Variants in ENOX1 observed in about 807,000 individuals in gnomAD.
ENOX1 encodes candidate growth-related and time keeping constitutive hydroquinone (NADH) oxidase.
In ENOX1, 42 loss-of-function variants were observed where a neutral mutation model predicts 82.5. The observed-to-expected ratio is 0.51, with a 90% confidence interval of 0.40 to 0.66. The LOEUF (loss-of-function observed/expected upper bound fraction) is 0.66. Ranked by LOEUF, ENOX1 falls within the 30% of genes least tolerant of loss-of-function variation. The pLI is 0.00. For synonymous variants in ENOX1, 271 were observed against 282.2 expected (o/e 0.96, Z 0.40); for missense variants, 608 against 811.6 (o/e 0.75, Z 3.05).
intron 2 of ENOX1, among the ~76,000 whole-genome samples, chr13:43,572,044 G>C (rs570716942): frequency 6.6e-6 from 1 of 152,022 alleles, no homozygotes; most frequent in Non-Finnish European, 1.5e-5. Context: ...ACTTACTTAT[G>C]AAGAGCATTT....
intron 12 of ENOX1, 105 bp downstream of exon 12, chr13:43,298,241 C>T (rs2046382034): frequency 1.6e-6 from 2 of 1,220,084 alleles, no homozygotes; most frequent in East Asian, 2.6e-5. Context: ...TTTTGGTTGT[C>T]ATTTCTTCTC....
At chr13:43,566,216 T>A (rs1452716665) in intron 2 of ENOX1, among the ~76,000 whole-genome samples, 1 of 152,208 alleles carries the variant, frequency 6.6e-6, no homozygotes, top group Non-Finnish European at 1.5e-5. Flanking sequence ...TTAGCATGAA[T>A]TAATATGCCA....
At chr13:43,690,453 A>G (rs1051156798) in intron 1 of ENOX1, among the ~76,000 whole-genome samples, 1 of 152,058 alleles carries the variant, frequency 6.6e-6, no homozygotes, top group African/African-American at 2.4e-5. Context: ...AATGCTACCC[A>G]TATTTCCTTA....
chr13:43,250,544 C>T (rs903547602), intron 14 of ENOX1, among the ~76,000 whole-genome samples: 13 of 152,152 alleles, frequency 8.5e-5, no homozygotes, highest in Admixed American at 3.3e-4. Context: ...GAACCAGAGT[C>T]TCACAATTAC....
intron 12 of ENOX1, among the ~76,000 whole-genome samples, chr13:43,296,563 T>C (rs898677383): frequency 5.9e-5 from 9 of 152,200 alleles, no homozygotes; most frequent in South Asian, 2.1e-4. Context: ...TTTTTAGCTA[T>C]ATAAAGTACA....
chr13:43,336,117 A>C lies in ENOX1; in HGVS notation c.1036+8421T>G, dbSNP rs1216938037. 1.6e-4 allele frequency among the ~76,000 whole-genome samples: 24 copies of C among 152,234 alleles called. 1 individual carries two copies. The highest frequency in any genetic ancestry group is 1.6e-3 in the Admixed American group (24 of 15,286). ...GCTACAGACATGGGCAAACATTTTA[A>C]CACTTCATAAAATTCCTTTTTGACA... On this transcript the variant is annotated intron_variant, in intron 9 of 16. Transcript: ENST00000690772.
chr13:43,291,759 G>A (rs1173843080), intron 12 of ENOX1, among the ~76,000 whole-genome samples: 1 of 152,184 alleles, frequency 6.6e-6, no homozygotes, highest in Non-Finnish European at 1.5e-5. Flanking sequence ...CAATGTATGT[G>A]TTTGTATTTT....
At chr13:43,465,618 C>T (rs962112995) in intron 3 of ENOX1, among the ~76,000 whole-genome samples, 8 of 152,084 alleles carry the variant, frequency 5.3e-5, no homozygotes, top group Non-Finnish European at 1.2e-4. Flanking sequence ...ATCACTGCTC[C>T]CAGGCCCCCT....
intron 5 of ENOX1, among the ~76,000 whole-genome samples, chr13:43,401,603 T>G (rs112576728): frequency 7.5e-4 from 114 of 152,248 alleles, no homozygotes; most frequent in African/African-American, 2.6e-3. Context: ...CCTCAGAGTC[T>G]GTGGCTGCAT....
intron 1 of ENOX1, among the ~76,000 whole-genome samples, chr13:43,678,027 T>C (rs567121535): frequency 1.7e-4 from 26 of 152,302 alleles, no homozygotes; most frequent in African/African-American, 6.3e-4. Context: ...TAAAACATCA[T>C]TTGATACCCT....
chr13:43,624,820 G>T (rs1038270296), intron 2 of ENOX1, among the ~76,000 whole-genome samples: 2 of 151,918 alleles, frequency 1.3e-5, no homozygotes, highest in African/African-American at 4.8e-5. Context: ...TCATAAAATT[G>T]CCTAGACTAA....
At chr13:43,774,799 A>C (rs887899297) in intron 1 of ENOX1, among the ~76,000 whole-genome samples, 1 of 151,698 alleles carries the variant, frequency 6.6e-6, no homozygotes, top group East Asian at 1.9e-4. Flanking sequence ...AAACATCAAA[A>C]CCTGAACACA....
chr13:43,489,136 A>C (rs2076533362), intron 2 of ENOX1, among the ~76,000 whole-genome samples: 1 of 152,200 alleles, frequency 6.6e-6, no homozygotes, highest in South Asian at 2.1e-4. Flanking sequence ...ACAATGCACC[A>C]ATGGCTCTAA....
chr13:43,251,412 G>A (rs1392648830), intron 14 of ENOX1, among the ~76,000 whole-genome samples: 5 of 152,202 alleles, frequency 3.3e-5, no homozygotes, highest in Non-Finnish European at 5.9e-5. Context: ...CAATCGATGA[G>A]TGTTACTAAT....
At chr13:43,518,691 T>C (rs1255919693) in intron 2 of ENOX1, among the ~76,000 whole-genome samples, 3 of 152,134 alleles carry the variant, frequency 2.0e-5, no homozygotes, top group Non-Finnish European at 4.4e-5. Context: ...AAAAAATACA[T>C]TTCTAAGTCT....
intron 1 of ENOX1, among the ~76,000 whole-genome samples, chr13:43,695,133 T>C (rs778496277): frequency 6.6e-6 from 1 of 151,846 alleles, no homozygotes. Context: ...TAGACTTCAA[T>C]CTCCTGCAGT....
At chr13:43,684,524 A>C (rs545900054) in intron 1 of ENOX1, among the ~76,000 whole-genome samples, 1 of 152,296 alleles carries the variant, frequency 6.6e-6, no homozygotes, top group East Asian at 1.9e-4. Flanking sequence ...GGGTGATCCA[A>C]AGTCCTTTTA....
chr13:43,575,015 G>A (rs1410633331), intron 2 of ENOX1, among the ~76,000 whole-genome samples: 1 of 152,188 alleles, frequency 6.6e-6, no homozygotes, highest in East Asian at 1.9e-4. Flanking sequence ...ATTCTGCTTA[G>A]GAGCTTATTG....
intron 8 of ENOX1, among the ~76,000 whole-genome samples, chr13:43,351,880 A>G (rs534959436): frequency 6.6e-6 from 1 of 152,258 alleles, no homozygotes; most frequent in South Asian, 2.1e-4. Flanking sequence ...AATGCCAAGC[A>G]AAATATTTCT....
Sources: gnomAD v4.1 joint callset for allele counts (sites outside exome capture counted in the v4.1 genomes callset) on GRCh38, gnomAD v4.1.1 for gene constraint, MANE v1.5 for transcripts, NCBI Gene and HGNC (gene_info 2026-07-23, HGNC 2026-07-21) for gene names.